The following BMPR1B variants were observed in gnomAD, a reference collection of about 807,000 sequenced individuals.
BMPR1B encodes the protein bone morphogenetic protein receptor type 1B.
BMPR1B carries 12 observed loss-of-function variants against 59.1 expected under a neutral mutation model. The observed-to-expected ratio is 0.20, with a 90% CI of 0.13 to 0.33. The LOEUF is 0.33. Among genes scored for constraint, BMPR1B ranks in the 10% least tolerant of loss-of-function variants. The pLI is 1.00. For synonymous variants in BMPR1B, 237 were observed against 207.3 expected (o/e 1.14, Z -1.23); for missense variants, 550 against 610.9 (o/e 0.90, Z 1.05).
chr4:95,138,719 T>C (rs1293298592), intron 10 of BMPR1B, among the ~76,000 whole-genome samples: 1 of 152,242 alleles, frequency 6.6e-6, no homozygotes, highest in Non-Finnish European at 1.5e-5. Flanking sequence ...AGCTTGTGCA[T>C]GCATCACGTA....
intron 1 of BMPR1B, among the ~76,000 whole-genome samples, chr4:94,824,516 TTGAAC>T (rs1433678773): frequency 6.6e-6 from 1 of 152,246 alleles, no homozygotes; most frequent in African/African-American, 2.4e-5. Flanking sequence ...CTTATGCTAT[TTGAAC>T]TGATCTGTTT....
intron 1 of BMPR1B, among the ~76,000 whole-genome samples, chr4:94,823,727 A>C (rs563261435): frequency 6.8e-6 from 1 of 146,272 alleles, no homozygotes; most frequent in South Asian, 2.2e-4. Context: ...AGATTGAAGA[A>C]TAGTTTTTAG....
At chr4:95,025,387 G>C (rs1328844330) in intron 3 of BMPR1B, among the ~76,000 whole-genome samples, 3 of 152,122 alleles carry the variant, frequency 2.0e-5, no homozygotes, top group African/African-American at 7.2e-5. Context: ...TCCATGGCAG[G>C]ACACAGTGGA....
intron 1 of BMPR1B, among the ~76,000 whole-genome samples, chr4:94,834,942 G>GTT (rs750650049): frequency 5.8e-4 from 79 of 137,020 alleles, no homozygotes; most frequent in African/African-American, 2.0e-3. Flanking sequence ...GTGTTTCTTT[G>GTT]TTTTTTTTTT....
At chr4:94,808,709 G>T (rs536224461) in intron 1 of BMPR1B, among the ~76,000 whole-genome samples, 1 of 152,106 alleles carries the variant, frequency 6.6e-6, no homozygotes, top group Admixed American at 6.5e-5. Context: ...GTTTTATTTC[G>T]CCATTGGCCT....
At chr4:94,982,644 C>T (rs974738388) in intron 2 of BMPR1B, among the ~76,000 whole-genome samples, 1 of 152,150 alleles carries the variant, frequency 6.6e-6, no homozygotes, top group East Asian at 1.9e-4. Context: ...AACAACCATG[C>T]CTTTTGGCCA....
intron 3 of BMPR1B, among the ~76,000 whole-genome samples, chr4:95,059,176 G>A (rs991674071): frequency 2.0e-5 from 3 of 151,944 alleles, no homozygotes; most frequent in African/African-American, 4.8e-5. Context: ...GCAGTGACCC[G>A]GAAAACAACA....
At position 95,071,652 on chromosome 4, in the gene BMPR1B, G is replaced by GTATATATATATATATA. The variant is rs58148216; in HGVS notation, c.-17-32742_-17-32727dup. 7.8e-4 allele frequency among the ~76,000 whole-genome samples: 66 copies of GTATATATATATATATA among 84,308 alleles called. 1 individual carries two copies. The highest frequency in any genetic ancestry group is 2.4e-3 in the East Asian group (7 of 2,958). 55.3% of individuals were successfully genotyped at this position (84,308 alleles called of 152,430 possible). A position where few individuals can be genotyped will look rare whatever the true frequency, so the allele number is the denominator to read the frequency against. On this transcript the variant is annotated intron_variant, in intron 3 of 12. Coordinates refer to ENST00000515059, the MANE Select transcript of BMPR1B (RefSeq NM_001203.3). ...TGTGTTTGTGTGTGTGTGTGTGTGT[G>GTATATATATATATATA]TATATATATATATATATATATATAT...
chr4:95,063,864 T>A (rs1270081903), intron 3 of BMPR1B, among the ~76,000 whole-genome samples: 1 of 152,028 alleles, frequency 6.6e-6, no homozygotes, highest in African/African-American at 2.4e-5. Context: ...AGGGCATTCA[T>A]AGAGGAGTAA....
At chr4:95,126,359 A>G (rs1029546642) in intron 8 of BMPR1B, among the ~76,000 whole-genome samples, 5 of 152,202 alleles carry the variant, frequency 3.3e-5, no homozygotes, top group Non-Finnish European at 7.3e-5. Context: ...TCTATAATCC[A>G]GATACCAAAA....
intron 12 of BMPR1B, among the ~76,000 whole-genome samples, chr4:95,154,150 C>T (rs1295126783): frequency 6.6e-6 from 1 of 152,196 alleles, no homozygotes; most frequent in Non-Finnish European, 1.5e-5. Context: ...GCTATTACTG[C>T]AGCAGACAGC....
chr4:95,127,358 T>C (rs1456911180), intron 8 of BMPR1B, among the ~76,000 whole-genome samples: 5 of 152,184 alleles, frequency 3.3e-5, no homozygotes, highest in African/African-American at 1.2e-4. Flanking sequence ...TTTAGGTCCT[T>C]ACATGTTATA....
At chr4:94,970,463 G>A (rs547720373) in intron 2 of BMPR1B, among the ~76,000 whole-genome samples, 5 of 151,910 alleles carry the variant, frequency 3.3e-5, no homozygotes, top group South Asian at 2.1e-4. Context: ...CTACAGGCGC[G>A]CCACCATGCC....
intron 10 of BMPR1B, among the ~76,000 whole-genome samples, chr4:95,147,471 G>GT (rs1734731044): frequency 6.6e-6 from 1 of 152,034 alleles, no homozygotes; most frequent in Non-Finnish European, 1.5e-5. Context: ...TATGACAGCA[G>GT]GATAAGTGTG....
At chr4:94,884,504 A>G (rs190984821) in intron 2 of BMPR1B, among the ~76,000 whole-genome samples, 95 of 151,870 alleles carry the variant, frequency 6.3e-4, no homozygotes, top group African/African-American at 2.2e-3. Context: ...CCAGCCTGGG[A>G]GACAGAGCGA....
At chr4:94,830,075 T>A (rs932412949) in intron 1 of BMPR1B, among the ~76,000 whole-genome samples, 32 of 152,324 alleles carry the variant, frequency 2.1e-4, no homozygotes, top group African/African-American at 7.7e-4. Flanking sequence ...AGTTATCAGC[T>A]AGTTCTGATA....
chr4:94,810,393 TC>T (rs1245775762), intron 1 of BMPR1B, among the ~76,000 whole-genome samples: 1 of 152,148 alleles, frequency 6.6e-6, no homozygotes, highest in East Asian at 1.9e-4. Context: ...GTTGAATAGA[TC>T]ATTTTTGTTT....
At chr4:95,020,747 A>G (rs933439249) in intron 3 of BMPR1B, among the ~76,000 whole-genome samples, 1 of 152,188 alleles carries the variant, frequency 6.6e-6, no homozygotes, top group Non-Finnish European at 1.5e-5. Flanking sequence ...AGGCTAGAGT[A>G]CAGTGGCACG....
rs746430385 is a variant in BMPR1B, at chr4:94,990,354, G to A, written c.-112-5686G>A. On this transcript the variant is annotated intron_variant, in intron 2 of 12. Coordinates refer to ENST00000515059, the MANE Select transcript of BMPR1B (RefSeq NM_001203.3). ...TGGGCAACAGAATGAGACTCTGTCC[G>A]TCTCAAAAAAGAAAAAGAAAATATA... is the stretch of plus-strand genomic sequence containing the variant. 1.2e-4 allele frequency among the ~76,000 whole-genome samples: 18 copies of A among 152,076 alleles called. No individual in the cohort carries two copies. In the South Asian group the frequency reaches 2.5e-3, roughly 21 times the overall value.
Sources: allele counts gnomAD v4.1 joint callset (sites outside exome capture counted in the v4.1 genomes callset), GRCh38; gene constraint gnomAD v4.1.1; transcripts MANE v1.5; gene names NCBI Gene and HGNC (gene_info 2026-07-23, HGNC 2026-07-21).